MOSMO: variants seen among roughly 807,000 people sequenced by gnomAD.
MOSMO encodes modulator of smoothened protein.
A neutral mutation model predicts 18.4 loss-of-function variants in MOSMO; 5 were observed. The ratio of observed to expected loss-of-function variants is 0.27; its 90% CI spans 0.14 to 0.57. The LOEUF is 0.57. Among genes scored for constraint, MOSMO ranks in the 20% least tolerant of loss-of-function variants. The pLI, the probability that MOSMO is intolerant of heterozygous loss-of-function variation, is 0.92. For synonymous variants in MOSMO, 82 were observed against 82.3 expected, an observed-to-expected ratio of 1.00 and a Z score of 0.02; for missense variants, 138 against 211.8, an observed-to-expected ratio of 0.65 and a Z score of 2.16.
chr16:22,070,013 G>C (rs1167000587), intron 1 of MOSMO, among the ~76,000 whole-genome samples: 1 of 152,184 alleles, frequency 6.6e-6, no homozygotes, highest in Non-Finnish European at 1.5e-5. Context: ...AAAGGATTGT[G>C]AGAATGAAAG....
intron 1 of MOSMO, among the ~76,000 whole-genome samples, chr16:22,017,850 G>A (rs954932286): frequency 6.6e-6 from 1 of 152,092 alleles, no homozygotes; most frequent in African/African-American, 2.4e-5. Context: ...AGAATGTGAC[G>A]TTCCTTTGGG....
chr16:22,038,507 T>C (rs1900150742), intron 1 of MOSMO, among the ~76,000 whole-genome samples: 1 of 152,090 alleles, frequency 6.6e-6, no homozygotes, highest in Non-Finnish European at 1.5e-5. Flanking sequence ...AAGAAACACT[T>C]TGTGACATGA....
intron 1 of MOSMO, among the ~76,000 whole-genome samples, chr16:22,012,497 G>A (rs961355208): frequency 6.6e-6 from 1 of 152,116 alleles, no homozygotes; most frequent in Admixed American, 6.6e-5. Context: ...ATAAGAACAG[G>A]TGTCAGAATC....
intron 1 of MOSMO, among the ~76,000 whole-genome samples, chr16:22,021,168 A>G (rs1242079481): frequency 1.3e-5 from 2 of 152,232 alleles, no homozygotes; most frequent in African/African-American, 4.8e-5. Context: ...ATCTGAGCCC[A>G]CGGGAAGGGC....
chr16:22,080,226 T>G (rs984405732), intron 2 of MOSMO, among the ~76,000 whole-genome samples: 2 of 152,190 alleles, frequency 1.3e-5, no homozygotes, highest in African/African-American at 4.8e-5. Flanking sequence ...CAGCACTCAT[T>G]CAGCACTTAC....
chr16:22,009,037 T>G (rs998293412), intron 1 of MOSMO, among the ~76,000 whole-genome samples: 4 of 151,718 alleles, frequency 2.6e-5, no homozygotes, highest in African/African-American at 9.7e-5. Flanking sequence ...TTGGTGGGAG[T>G]GGGGGGCGCC....
At chr16:22,087,582 GA>G (rs1164822995), downstream of MOSMO, 1 of 152,128 alleles carries the variant, frequency 6.6e-6, no homozygotes, top group East Asian at 1.9e-4. Context: ...AGAAGTTGAA[GA>G]ACCAAAATCC....
At chr16:22,036,565 C>T (rs893050489) in intron 1 of MOSMO, among the ~76,000 whole-genome samples, 4 of 152,128 alleles carry the variant, frequency 2.6e-5, no homozygotes, top group Admixed American at 2.0e-4. Context: ...CTCCTATCTC[C>T]GCCCCACGAG....
intron 1 of MOSMO, among the ~76,000 whole-genome samples, chr16:22,023,059 C>T (rs535820723): frequency 8.5e-5 from 13 of 152,178 alleles, no homozygotes; most frequent in Admixed American, 2.0e-4. Context: ...TATGATGAAA[C>T]GTAAAATGTG....
intron 1 of MOSMO, among the ~76,000 whole-genome samples, chr16:22,054,285 A>G (rs373313326): frequency 6.6e-6 from 1 of 152,202 alleles, no homozygotes; most frequent in East Asian, 1.9e-4. Context: ...CTGCAAAGAC[A>G]GGGTCTCACT....
intron 1 of MOSMO, among the ~76,000 whole-genome samples, chr16:22,065,402 A>G (rs1340500143): frequency 3.3e-5 from 5 of 152,228 alleles, no homozygotes; most frequent in Non-Finnish European, 7.3e-5. Flanking sequence ...GTATTACAAT[A>G]AAATCCATCC....
chr16:22,049,372 A>G (rs902323019), intron 1 of MOSMO, among the ~76,000 whole-genome samples: 1 of 152,136 alleles, frequency 6.6e-6, no homozygotes, highest in Non-Finnish European at 1.5e-5. Context: ...ATGCCTAGCT[A>G]ATTAAAAATC....
chr16:22,017,027 C>T (rs1338513765), intron 1 of MOSMO, among the ~76,000 whole-genome samples: 3 of 152,056 alleles, frequency 2.0e-5, no homozygotes, highest in Admixed American at 6.5e-5. Flanking sequence ...ACCTGGCAAG[C>T]GATATAGCTG....
At chr16:22,030,206 A>C (rs905890091) in intron 1 of MOSMO, among the ~76,000 whole-genome samples, 1 of 152,310 alleles carries the variant, frequency 6.6e-6, no homozygotes. Flanking sequence ...AATTGATAAG[A>C]ATGCACTGAG....
At chr16:22,030,464 A>G (rs1487735236) in intron 1 of MOSMO, among the ~76,000 whole-genome samples, 1 of 152,202 alleles carries the variant, frequency 6.6e-6, no homozygotes, top group Non-Finnish European at 1.5e-5. Context: ...CATATTTCTT[A>G]GGCAAATTAT....
At chr16:22,037,986 A>G (rs538432338) in intron 1 of MOSMO, among the ~76,000 whole-genome samples, 32 of 152,286 alleles carry the variant, frequency 2.1e-4, no homozygotes, top group African/African-American at 7.2e-4. Flanking sequence ...GATGTTGGCA[A>G]GGTGGGACTG....
At chr16:22,058,170 A>G (rs1027181094) in intron 1 of MOSMO, among the ~76,000 whole-genome samples, 3 of 152,152 alleles carry the variant, frequency 2.0e-5, no homozygotes, top group Admixed American at 1.3e-4. Context: ...GCTCACACCC[A>G]TAATCCCAGC....
At chr16:22,073,239 C>T (rs1900894640) in intron 1 of MOSMO, among the ~76,000 whole-genome samples, 1 of 152,084 alleles carries the variant, frequency 6.6e-6, no homozygotes, top group South Asian at 2.1e-4. Context: ...CAAAAAAAAT[C>T]AAATGTAAAT....
At chr16:22,075,346 G>A (rs1347960264) in intron 1 of MOSMO, 141 bp from the exon 2 acceptor site, 1 of 718,726 alleles carries the variant, frequency 1.4e-6, no homozygotes, top group African/African-American at 1.7e-5. Context: ...TACAGCAGAT[G>A]CTGAAGAGTA....
Sources: gnomAD v4.1 joint callset for allele counts (sites outside exome capture counted in the v4.1 genomes callset) on GRCh38, gnomAD v4.1.1 for gene constraint, MANE v1.5 for transcripts, NCBI Gene and HGNC (gene_info 2026-07-23, HGNC 2026-07-21) for gene names.